DISC1: variants seen among roughly 807,000 people sequenced by gnomAD.
The protein encoded by DISC1 is disrupted in schizophrenia 1 protein.
In DISC1, 57 loss-of-function variants were observed where a neutral mutation model predicts 84.5. The observed-to-expected ratio is 0.67, with a 90% CI of 0.55 to 0.84. The LOEUF is 0.84. Ranked by LOEUF, DISC1 falls within the 40% of genes least tolerant of loss-of-function variation. The pLI is 0.00. For missense variants in DISC1, 1,000 were observed against 1,057.8 expected, an observed-to-expected ratio of 0.95 and a Z score of 0.76; for synonymous variants, 411 against 415.2, an observed-to-expected ratio of 0.99 and a Z score of 0.12.
intron 3 of DISC1, among the ~76,000 whole-genome samples, chr1:231,717,795 CT>C (rs1318617305): frequency 6.6e-6 from 1 of 152,142 alleles, no homozygotes; most frequent in Non-Finnish European, 1.5e-5. Context: ...GCGAGAATTG[CT>C]TTCATTGTCC....
At chr1:231,964,981 G>A (rs762258238) in intron 10 of DISC1, among the ~76,000 whole-genome samples, 33 of 152,192 alleles carry the variant, frequency 2.2e-4, no homozygotes, top group Non-Finnish European at 3.8e-4. Flanking sequence ...CCTAAATCTG[G>A]CTAGTCACCA....
At chr1:231,985,777 A>G (rs1462235230) in intron 10 of DISC1, among the ~76,000 whole-genome samples, 2 of 152,204 alleles carry the variant, frequency 1.3e-5, no homozygotes, top group African/African-American at 2.4e-5. Flanking sequence ...ACCACAAAAA[A>G]TTATCAGGTA....
intron 1 of DISC1, among the ~76,000 whole-genome samples, chr1:231,651,378 C>T (rs2125287263): frequency 6.6e-6 from 1 of 152,308 alleles, no homozygotes; most frequent in Middle Eastern, 3.4e-3. Flanking sequence ...CCCTGTTTGC[C>T]TGGGTATCAC....
chr1:231,760,546 G>A (rs532514193), intron 4 of DISC1, among the ~76,000 whole-genome samples: 1 of 152,344 alleles, frequency 6.6e-6, no homozygotes, highest in Admixed American at 6.5e-5. Flanking sequence ...GTGATGATGA[G>A]AACATCGGCC....
chr1:231,996,057 A>G (rs1009669349), intron 10 of DISC1, among the ~76,000 whole-genome samples: 17 of 152,178 alleles, frequency 1.1e-4, no homozygotes, highest in African/African-American at 4.1e-4. Context: ...ATGGTATCTC[A>G]TCGTGGTTTT....
At chr1:231,646,633 G>A (rs577089255) in intron 1 of DISC1, among the ~76,000 whole-genome samples, 76 of 152,228 alleles carry the variant, frequency 5.0e-4, no homozygotes, top group African/African-American at 1.5e-3. Context: ...ATGAATCGCC[G>A]CACTGTCTTC....
chr1:232,037,184 G>C lies in DISC1; in HGVS notation c.*353G>C, dbSNP rs1426090015. On this transcript the variant is annotated 3_prime_UTR_variant, in exon 13 of 13. Coordinates refer to ENST00000439617, the MANE Select transcript of DISC1 (RefSeq NM_018662.3). ...TTCTGGAAAAATGTCTCTTTTTCCTGTGCCATTTGCCTTCTGCTGCAACGA... is the reference window on the plus strand; with the variant it reads ...TTCTGGAAAAATGTCTCTTTTTCCTCTGCCATTTGCCTTCTGCTGCAACGA... 1 of 160,578 alleles carries C rather than the reference G, an allele frequency of 6.2e-6. No homozygotes were observed. Among genetic ancestry groups the C allele is most frequent in the Non-Finnish European group, 1.4e-5 (1 of 73,946 alleles). 9.9% of individuals were successfully genotyped at this position (160,578 alleles called of 1,614,324 possible). A position where few individuals can be genotyped will look rare whatever the true frequency, so the allele number is the denominator to read the frequency against.
intron 1 of DISC1, among the ~76,000 whole-genome samples, chr1:231,627,554 G>C (rs571226271): frequency 1.3e-5 from 2 of 152,382 alleles, no homozygotes; most frequent in East Asian, 3.9e-4. Context: ...AGACTGCTCG[G>C]TTTCCACCGC....
chr1:231,994,277 A>G (rs1362006907), intron 10 of DISC1, among the ~76,000 whole-genome samples: 1 of 152,216 alleles, frequency 6.6e-6, no homozygotes, highest in Non-Finnish European at 1.5e-5. Context: ...CTGACCAGGC[A>G]TGTAGTCCCT....
rs2081897679 is a variant in DISC1 at position 231,826,943 on chromosome 1, A to G, written c.1981+8426A>G. 6.6e-6 allele frequency among the ~76,000 whole-genome samples: 1 copy of G among 152,200 alleles called. No individual in the cohort carries two copies. The highest frequency in any genetic ancestry group is 6.5e-5 in the Admixed American group (1 of 15,280). On this transcript the variant is annotated intron_variant, in intron 9 of 12. Coordinates refer to ENST00000439617, the MANE Select transcript of DISC1 (RefSeq NM_018662.3). The surrounding 1 kb of genome is among the most constrained non-coding windows in gnomAD (Gnocchi z 4.2). ...ATTCAATTTGCAACATGTGATGTCAATCTTTCTAGGCTTCTTTTGAGTGAG... is the reference window on the plus strand; with the variant it reads ...ATTCAATTTGCAACATGTGATGTCAGTCTTTCTAGGCTTCTTTTGAGTGAG...
chr1:231,839,541 T>G (rs1574191246), intron 9 of DISC1, among the ~76,000 whole-genome samples: 1 of 151,606 alleles, frequency 6.6e-6, no homozygotes, highest in Admixed American at 6.6e-5. Flanking sequence ...CAGGCTGGGG[T>G]TTTCAAGATT....
intron 3 of DISC1, among the ~76,000 whole-genome samples, chr1:231,705,191 GGCA>G (rs1319162037): frequency 6.7e-6 from 1 of 150,276 alleles, no homozygotes; most frequent in East Asian, 2.0e-4. Flanking sequence ...GGGAGGCTGA[GGCA>G]GGAGAATCGC....
At chr1:232,008,064 C>A (rs1667680222) in intron 10 of DISC1, among the ~76,000 whole-genome samples, 1 of 152,164 alleles carries the variant, frequency 6.6e-6, no homozygotes, top group Non-Finnish European at 1.5e-5. Context: ...GCCTCCCCAG[C>A]CACACTGAAC....
At chr1:231,991,397 C>T (rs1360986303) in intron 10 of DISC1, among the ~76,000 whole-genome samples, 1 of 152,224 alleles carries the variant, frequency 6.6e-6, no homozygotes, top group Non-Finnish European at 1.5e-5. Flanking sequence ...ACGAGGAGTG[C>T]TCTCTCCTTG....
intron 7 of DISC1, among the ~76,000 whole-genome samples, chr1:231,795,985 A>C (rs1369054544): frequency 6.6e-6 from 1 of 152,204 alleles, no homozygotes; most frequent in South Asian, 2.1e-4. Context: ...CAAATAGAAC[A>C]GTTGGTGACT....
intron 5 of DISC1, among the ~76,000 whole-genome samples, chr1:231,768,452 T>G (rs2076318333): frequency 2.6e-5 from 4 of 152,222 alleles, no homozygotes. Context: ...ACACAGTCAA[T>G]GTGCATCATT....
chr1:231,663,335 T>C (rs2061717594), intron 1 of DISC1, among the ~76,000 whole-genome samples: 1 of 152,098 alleles, frequency 6.6e-6, no homozygotes, highest in African/African-American at 2.4e-5. Context: ...TTGACAGAAA[T>C]GAAGGGAGTA....
At chr1:231,955,444 T>C (rs1366171178) in intron 9 of DISC1, among the ~76,000 whole-genome samples, 2 of 152,152 alleles carry the variant, frequency 1.3e-5, no homozygotes, top group Non-Finnish European at 2.9e-5. Context: ...ATTTCTGTTT[T>C]TTTTCTGGTG....
intron 9 of DISC1, among the ~76,000 whole-genome samples, chr1:231,894,829 C>A (rs2087556181): frequency 6.9e-6 from 1 of 145,512 alleles, no homozygotes; most frequent in Non-Finnish European, 1.5e-5. Flanking sequence ...TTGTTTCTTT[C>A]TGAATTAATA....
Sources: allele counts gnomAD v4.1 joint callset (sites outside exome capture counted in the v4.1 genomes callset), GRCh38; gene constraint gnomAD v4.1.1; non-coding constraint Gnocchi (gnomAD v3.1); transcripts MANE v1.5; gene names NCBI Gene and HGNC (gene_info 2026-07-23, HGNC 2026-07-21).